The following PPARGC1A variants were observed in gnomAD, a reference collection of about 807,000 sequenced individuals.
PPARGC1A encodes peroxisome proliferator-activated receptor gamma coactivator 1-alpha.
PPARGC1A carries 25 observed loss-of-function variants against 88.7 expected under a neutral mutation model. That is an observed-to-expected ratio of 0.28 (90% CI 0.21 to 0.39). The LOEUF is 0.39. Ranked by LOEUF, PPARGC1A falls within the 10% of genes least tolerant of loss-of-function variation. The pLI is 1.00. For synonymous variants in PPARGC1A, 363 were observed against 355.6 expected (o/e 1.02, Z -0.24); for missense variants, 880 against 968.7 (o/e 0.91, Z 1.22).
At chr4:23,898,249 AT>A (rs1454031676) in intron 1 of PPARGC1A, among the ~76,000 whole-genome samples, 1 of 152,232 alleles carries the variant, frequency 6.6e-6, no homozygotes, top group Non-Finnish European at 1.5e-5. Flanking sequence ...CCATAACAGT[AT>A]TAGCAAATGT....
chr4:23,893,641 T>A (rs1434719256), upstream of PPARGC1A, among the ~76,000 whole-genome samples: 2 of 152,130 alleles, frequency 1.3e-5, no homozygotes, highest in African/African-American at 4.8e-5. Context: ...TTACTGGGCA[T>A]AAAAAGGTGA....
the PPARGC1A span, among the ~76,000 whole-genome samples, chr4:24,302,606 C>T: frequency 3.3e-4 from 50 of 152,272 alleles, 2 homozygotes; most frequent in South Asian, 0.01. Context: ...CCTTTCAGGC[C>T]CTCGTTTACA....
chr4:24,065,289 G>T, the PPARGC1A span, among the ~76,000 whole-genome samples: 1 of 151,962 alleles, frequency 6.6e-6, no homozygotes, highest in Non-Finnish European at 1.5e-5. Flanking sequence ...ATTTAATTCT[G>T]CTGTGCAGGC....
At chr4:24,054,324 A>AAC in the PPARGC1A span, among the ~76,000 whole-genome samples, 1 of 151,830 alleles carries the variant, frequency 6.6e-6, no homozygotes, top group South Asian at 2.1e-4. Flanking sequence ...AAAAAAAAAA[A>AAC]AACACTATAT....
the PPARGC1A span, among the ~76,000 whole-genome samples, chr4:24,030,547 T>G: frequency 3.9e-5 from 6 of 152,162 alleles, no homozygotes; most frequent in African/African-American, 2.4e-5. Context: ...ATCATTAATA[T>G]TTCCCCGTAA....
At chr4:24,028,829 G>A in the PPARGC1A span, among the ~76,000 whole-genome samples, 6 of 152,170 alleles carry the variant, frequency 3.9e-5, no homozygotes, top group African/African-American at 1.4e-4. Context: ...ATTGACATCT[G>A]AGAAAGTTAT....
chr4:24,423,694 G>A, the PPARGC1A span, among the ~76,000 whole-genome samples: 3 of 152,312 alleles, frequency 2.0e-5, no homozygotes, highest in East Asian at 5.8e-4. Context: ...GTCATTGTCA[G>A]TTATTTGCAC....
At chr4:24,050,857 C>G in the PPARGC1A span, among the ~76,000 whole-genome samples, 1 of 152,074 alleles carries the variant, frequency 6.6e-6, no homozygotes, top group African/African-American at 2.4e-5. Context: ...GAAATCCAAT[C>G]AACATTTTAT....
chr4:24,279,088 C>A, the PPARGC1A span, among the ~76,000 whole-genome samples: 8 of 152,344 alleles, frequency 5.3e-5, no homozygotes, highest in African/African-American at 1.4e-4. Context: ...TTTGCCACCA[C>A]TTTTTTCCAT....
the PPARGC1A span, among the ~76,000 whole-genome samples, chr4:23,927,432 G>C: frequency 6.6e-6 from 1 of 152,142 alleles, no homozygotes; most frequent in Non-Finnish European, 1.5e-5. Flanking sequence ...ATCAAGAAAA[G>C]GTTTATGGTT....
At chr4:24,175,398 G>C in the PPARGC1A span, among the ~76,000 whole-genome samples, 1 of 128,354 alleles carries the variant, frequency 7.8e-6, no homozygotes, top group African/African-American at 3.0e-5. Context: ...TTTTGAGACA[G>C]AGTTTCACTT....
At chr4:23,913,754 A>T in the PPARGC1A span, among the ~76,000 whole-genome samples, 3 of 151,824 alleles carry the variant, frequency 2.0e-5, no homozygotes, top group African/African-American at 7.3e-5. Flanking sequence ...GGCAGGTGGG[A>T]ATTTTTTTTT....
At chr4:24,041,151 G>A in the PPARGC1A span, among the ~76,000 whole-genome samples, 328 of 152,272 alleles carry the variant, frequency 2.2e-3, 3 homozygotes, top group African/African-American at 7.6e-3. Context: ...TATTGCCTGT[G>A]CCTGGGAGAC....
the PPARGC1A span, among the ~76,000 whole-genome samples, chr4:24,217,236 T>C: frequency 2.0e-5 from 3 of 152,186 alleles, no homozygotes; most frequent in Non-Finnish European, 4.4e-5. Flanking sequence ...ATCATGAAGC[T>C]GATTAAAGAA....
At chr4:24,210,040 C>A in the PPARGC1A span, among the ~76,000 whole-genome samples, 2 of 152,172 alleles carry the variant, frequency 1.3e-5, no homozygotes, top group Admixed American at 6.5e-5. Flanking sequence ...AAATCAAATT[C>A]AATTATGTAC....
the PPARGC1A span, among the ~76,000 whole-genome samples, chr4:24,344,836 T>C: frequency 1.3e-5 from 2 of 152,190 alleles, no homozygotes; most frequent in Non-Finnish European, 2.9e-5. Flanking sequence ...CCTAAGCCAA[T>C]GTCTAGAAGG....
chr4:24,155,857 C>A, the PPARGC1A span, among the ~76,000 whole-genome samples: 1 of 152,118 alleles, frequency 6.6e-6, no homozygotes, highest in African/African-American at 2.4e-5. Context: ...TGGGCAGATG[C>A]AAGTTACAAG....
At chr4:23,910,325 TTA>T in the PPARGC1A span, among the ~76,000 whole-genome samples, 9 of 45,218 alleles carry the variant, frequency 2.0e-4, no homozygotes, top group African/African-American at 1.5e-3. Flanking sequence ...ATTATATATA[TTA>T]TATATTATAT....
At chr4:24,225,097 G>A in the PPARGC1A span, among the ~76,000 whole-genome samples, 6 of 152,186 alleles carry the variant, frequency 3.9e-5, no homozygotes, top group Admixed American at 3.3e-4. Flanking sequence ...AGTGATATGG[G>A]GAGCCCCTGA....
Sources: allele counts gnomAD v4.1 joint callset (sites outside exome capture counted in the v4.1 genomes callset), GRCh38; gene constraint gnomAD v4.1.1; transcripts MANE v1.5; gene names NCBI Gene and HGNC (gene_info 2026-07-23, HGNC 2026-07-21).